Variants in CYP7B1 observed in about 807,000 individuals in gnomAD.
The protein encoded by CYP7B1 is cytochrome P450 7B1.
Under a neutral mutation model 42.7 loss-of-function variants are expected in CYP7B1, and 29 were observed. The ratio of observed to expected loss-of-function variants is 0.68; its 90% CI spans 0.51 to 0.93. The LOEUF (loss-of-function observed/expected upper bound fraction) is 0.93. CYP7B1 is among the 40% of genes least tolerant of loss of function. The pLI is 0.00. For missense variants in CYP7B1, 655 were observed against 600.5 expected, an observed-to-expected ratio of 1.09 and a Z score of -0.95; for synonymous variants, 235 against 218.2, an observed-to-expected ratio of 1.08 and a Z score of -0.68.
At chr8:64,738,034 G>A (rs1453095228) in intron 1 of CYP7B1, among the ~76,000 whole-genome samples, 1 of 152,146 alleles carries the variant, frequency 6.6e-6, no homozygotes, top group Non-Finnish European at 1.5e-5. Flanking sequence ...CCATTGAAAA[G>A]GAGACTCTCT....
At chr8:64,703,988 T>C (rs1057086155) in intron 1 of CYP7B1, 4 of 152,082 alleles carry the variant, frequency 2.6e-5, no homozygotes, top group African/African-American at 9.7e-5. Flanking sequence ...CTCAAGTTTT[T>C]CTTCAGGGTT....
chr8:64,736,569 G>A (rs543328383), intron 1 of CYP7B1, among the ~76,000 whole-genome samples: 85 of 152,198 alleles, frequency 5.6e-4, no homozygotes, highest in Non-Finnish European at 1.0e-3. Flanking sequence ...TCCTGCCTTA[G>A]CCTCCCAAGT....
At chr8:64,784,362 T>C (rs1281290642) in intron 1 of CYP7B1, among the ~76,000 whole-genome samples, 3 of 152,202 alleles carry the variant, frequency 2.0e-5, no homozygotes, top group Non-Finnish European at 4.4e-5. Flanking sequence ...TCCACCATGA[T>C]AGCATTTTCA....
intron 1 of CYP7B1, among the ~76,000 whole-genome samples, chr8:64,765,809 T>G (rs185803456): frequency 2.0e-5 from 3 of 152,248 alleles, no homozygotes; most frequent in Admixed American, 2.0e-4. Context: ...AGATGTATTC[T>G]GGAGAATTCG....
chr8:64,741,581 G>A (rs1563411529), intron 1 of CYP7B1, among the ~76,000 whole-genome samples: 1 of 152,084 alleles, frequency 6.6e-6, no homozygotes, highest in Non-Finnish European at 1.5e-5. Flanking sequence ...GCCTCCCATA[G>A]CGCTGGGATT....
chr8:64,639,376 C>G (rs1477684546), intron 1 of CYP7B1, among the ~76,000 whole-genome samples: 1 of 151,760 alleles, frequency 6.6e-6, no homozygotes. Context: ...GGGAAAGTCC[C>G]CTAAAACTTA....
intron 1 of CYP7B1, among the ~76,000 whole-genome samples, chr8:64,748,294 C>T (rs1273418336): frequency 6.6e-6 from 1 of 152,054 alleles, no homozygotes; most frequent in Non-Finnish European, 1.5e-5. Context: ...GACACTCCCC[C>T]GTCTATTCTC....
intron 1 of CYP7B1, among the ~76,000 whole-genome samples, chr8:64,781,607 T>C (rs900834798): frequency 2.0e-5 from 3 of 152,192 alleles, no homozygotes; most frequent in Non-Finnish European, 4.4e-5. Context: ...CATATAACTC[T>C]GACCTCCTTT....
chr8:64,640,058 C>T (rs145900803), intron 1 of CYP7B1, among the ~76,000 whole-genome samples: 3 of 152,238 alleles, frequency 2.0e-5, no homozygotes, highest in African/African-American at 7.2e-5. Context: ...AAACCAGACA[C>T]CTGATTCCAT....
At chr8:64,679,559 T>G (rs1326092454) in intron 1 of CYP7B1, among the ~76,000 whole-genome samples, 1 of 152,214 alleles carries the variant, frequency 6.6e-6, no homozygotes, top group Non-Finnish European at 1.5e-5. Context: ...AACATTTTTT[T>G]CTTGCTTTCT....
At chr8:64,738,883 G>C (rs535592179) in intron 1 of CYP7B1, among the ~76,000 whole-genome samples, 136 of 152,192 alleles carry the variant, frequency 8.9e-4, no homozygotes, top group Non-Finnish European at 1.7e-3. Context: ...ATTCCTGGGG[G>C]GTGAGTGTGG....
intron 1 of CYP7B1, among the ~76,000 whole-genome samples, chr8:64,645,210 A>G (rs377092248): frequency 2.0e-5 from 3 of 150,798 alleles, no homozygotes; most frequent in African/African-American, 7.3e-5. Context: ...GAATAGTGCC[A>G]CAATAAACAT....
chr8:64,621,314 C>T (rs892058720), intron 2 of CYP7B1, among the ~76,000 whole-genome samples: 1 of 152,212 alleles, frequency 6.6e-6, no homozygotes, highest in African/African-American at 2.4e-5. Flanking sequence ...TTGGTAATAA[C>T]TTCACAATGT....
chr8:64,635,176 G>A (rs1244277889), intron 1 of CYP7B1, among the ~76,000 whole-genome samples: 3 of 152,202 alleles, frequency 2.0e-5, no homozygotes, highest in Non-Finnish European at 2.9e-5. Context: ...TTTGTTTACT[G>A]CAAGAATCAG....
intron 1 of CYP7B1, among the ~76,000 whole-genome samples, chr8:64,691,739 G>A (rs1290474534): frequency 1.3e-5 from 2 of 152,180 alleles, no homozygotes; most frequent in African/African-American, 2.4e-5. Context: ...AGGCTGGACA[G>A]GCCCTTACTG....
At position 64,594,762 on chromosome 8, in the gene CYP7B1, A is replaced by T. The variant is rs1426697217; in HGVS notation, c.*1880T>A. ...AAGAAACTGGAAGAGACATCTAAAG[A>T]AATTACATGGAGTGTAAGTTAGAGA... On this transcript the variant is annotated 3_prime_UTR_variant, in exon 6 of 6. Coordinates refer to ENST00000310193, the MANE Select transcript of CYP7B1 (RefSeq NM_004820.5). Among the ~76,000 whole-genome samples the T allele has an allele frequency of 6.6e-6, 1 of 152,242 alleles. No homozygotes were observed. The highest frequency in any genetic ancestry group is 1.5e-5 in the Non-Finnish European group (1 of 68,050).
chr8:64,658,264 A>G (rs888666984), intron 1 of CYP7B1, among the ~76,000 whole-genome samples: 4 of 152,218 alleles, frequency 2.6e-5, no homozygotes, highest in African/African-American at 9.6e-5. Context: ...GTGACCTCTA[A>G]AAGTTTTTTT....
chr8:64,646,759 A>G (rs139801548), intron 1 of CYP7B1, among the ~76,000 whole-genome samples: 1 of 152,122 alleles, frequency 6.6e-6, no homozygotes, highest in Non-Finnish European at 1.5e-5. Flanking sequence ...CTTTCCTTAA[A>G]CCTCACGAAC....
rs1805429759 is a variant in CYP7B1 at position 64,615,738 on chromosome 8, T to C, written c.803A>G (p.Gln268Arg). ...CACATAATATTTCTCCAGGACATCT[T>C]GCCTGCTTTGAAAAACTTCTGACCA... is the stretch of plus-strand genomic sequence containing the variant. ...QGWSEVFQSR[Q>R]DVLEKYYVHE... Residue 268 changes from glutamine (Q) to arginine (R), a missense_variant, in exon 3 of 6, where the codon CAA becomes CGA. Coordinates refer to ENST00000310193, the MANE Select transcript of CYP7B1 (RefSeq NM_004820.5). 1.2e-6 allele frequency: 2 copies of C among 1,613,782 alleles called. No individual in the cohort carries two copies. The highest frequency in any genetic ancestry group is 2.7e-5 in the African/African-American group (2 of 75,016).
Sources: gnomAD v4.1 joint callset for allele counts (sites outside exome capture counted in the v4.1 genomes callset) on GRCh38, gnomAD v4.1.1 for gene constraint, MANE v1.5 for transcripts, NCBI Gene and HGNC (gene_info 2026-07-23, HGNC 2026-07-21) for gene names.